THSD7B: variants seen among roughly 807,000 people sequenced by gnomAD.
THSD7B encodes thrombospondin type-1 domain-containing protein 7B.
A neutral mutation model predicts 213.6 loss-of-function variants in THSD7B; 138 were observed. That is an observed-to-expected ratio of 0.65 (90% CI 0.56 to 0.74). The LOEUF (loss-of-function observed/expected upper bound fraction) is 0.74. Ranked by LOEUF, THSD7B falls within the 30% of genes least tolerant of loss-of-function variation. The pLI is 0.00. For missense variants in THSD7B, 1,931 were observed against 1,991.5 expected (o/e 0.97, Z 0.58); for synonymous variants, 742 against 687.0 (o/e 1.08, Z -1.25).
At chr2:137,252,202 G>A (rs1682194684) in intron 10 of THSD7B, among the ~76,000 whole-genome samples, 1 of 146,998 alleles carries the variant, frequency 6.8e-6, no homozygotes, top group Admixed American at 6.9e-5. Flanking sequence ...GGGAGGCAGA[G>A]GTTGCAGTGA....
intron 12 of THSD7B, among the ~76,000 whole-genome samples, chr2:137,301,095 C>T (rs35159754): frequency 0.019 from 2,815 of 152,132 alleles, 37 homozygotes; most frequent in East Asian, 0.052. Context: ...AATATAAAAA[C>T]CTGCCTCCCA....
intron 12 of THSD7B, among the ~76,000 whole-genome samples, chr2:137,336,343 TTACTC>T (rs1186022484): frequency 6.6e-6 from 1 of 152,180 alleles, no homozygotes; most frequent in Non-Finnish European, 1.5e-5. Context: ...GCATCTGTCT[TTACTC>T]CACCTGAGCT....
chr2:136,888,181 A>C (rs1683751596), intron 2 of THSD7B, among the ~76,000 whole-genome samples: 1 of 152,118 alleles, frequency 6.6e-6, no homozygotes, highest in Non-Finnish European at 1.5e-5. Context: ...TAGGTCTAAA[A>C]CTTTATATAT....
rs1683886276 is a variant in THSD7B, at chr2:136,892,783, T to TA, written c.139+10467dup. Among the ~76,000 whole-genome samples, 13 of 152,218 alleles carry TA rather than the reference T, an allele frequency of 8.5e-5. No individual in the cohort carries two copies. The South Asian group carries it at 2.7e-3, about 32-fold the overall frequency. On this transcript the variant is annotated intron_variant, in intron 2 of 27. Transcript: ENST00000409968. Reference sequence around the variant, plus strand: ...TCAAGCCACAAGCCTTGCCCCTTCTTAGAGTGTCTAGGTCCCAAGCCTTCC... The same window carrying TA: ...TCAAGCCACAAGCCTTGCCCCTTCTTAAGAGTGTCTAGGTCCCAAGCCTTCC...
At chr2:137,082,847 A>G (rs966632917) in intron 3 of THSD7B, among the ~76,000 whole-genome samples, 2 of 152,090 alleles carry the variant, frequency 1.3e-5, no homozygotes, top group African/African-American at 2.4e-5. Flanking sequence ...TCTGTTGAAT[A>G]ATGTTTTCCA....
At chr2:137,533,001 T>G (rs1405769043) in intron 15 of THSD7B, among the ~76,000 whole-genome samples, 1 of 151,162 alleles carries the variant, frequency 6.6e-6, no homozygotes, top group Non-Finnish European at 1.5e-5. Context: ...TATCTATGTA[T>G]CTATGTAATA....
intron 1 of THSD7B, among the ~76,000 whole-genome samples, chr2:136,781,046 C>A (rs1017649950): frequency 6.6e-6 from 1 of 152,124 alleles, no homozygotes; most frequent in Admixed American, 6.5e-5. Context: ...TTCAAAATCA[C>A]AATATGATTT....
intron 20 of THSD7B, among the ~76,000 whole-genome samples, chr2:137,638,284 C>T (rs915533051): frequency 1.3e-5 from 2 of 152,216 alleles, no homozygotes; most frequent in South Asian, 2.1e-4. Context: ...TCATGGGTGC[C>T]GGTCTTTCCC....
At chr2:137,424,535 A>G (rs1016520172) in intron 14 of THSD7B, among the ~76,000 whole-genome samples, 4 of 152,192 alleles carry the variant, frequency 2.6e-5, no homozygotes, top group Non-Finnish European at 5.9e-5. Context: ...ATATACAAAG[A>G]TTAAGTGAGA....
chr2:136,897,574 G>A (rs531823147), intron 2 of THSD7B, among the ~76,000 whole-genome samples: 4 of 152,322 alleles, frequency 2.6e-5, no homozygotes, highest in Admixed American at 1.3e-4. Context: ...TTATTGTGAA[G>A]AGCGAAAGAA....
At position 137,656,803 on chromosome 2, in the gene THSD7B, C is replaced by A. The variant is rs367874065; in HGVS notation, c.4113C>A (p.Cys1371Ter). ...TACTGCATGACTGTCCAGGAGACTG[C>A]CATTTAACAGAATGGTCAGAGTGGA... Reference protein sequence around the residue: ...QLCSVPCPGDCHLTEWSEWST... With the variant: ...QLCSVPCPGD The change falls in exon 23 of 28, where the codon TGC becomes TGA. Residue 1371 changes from cysteine to a stop codon, truncating the protein, a stop_gained. Coordinates refer to ENST00000409968, the MANE Select transcript of THSD7B (RefSeq NM_001316349.2). LOFTEE classifies it high-confidence loss of function. 1 of 1,613,530 alleles carries A rather than the reference C, an allele frequency of 6.2e-7. No homozygotes were observed. Among genetic ancestry groups the A allele is most frequent in the Non-Finnish European group, 8.5e-7 (1 of 1,179,656 alleles).
At chr2:136,776,341 G>C (rs879912579) in intron 1 of THSD7B, among the ~76,000 whole-genome samples, 1 of 151,916 alleles carries the variant, frequency 6.6e-6, no homozygotes, top group African/African-American at 2.4e-5. Flanking sequence ...TTGAAGTCTG[G>C]GGTTAAGGAA....
chr2:137,340,839 A>G (rs1156483464), intron 12 of THSD7B, among the ~76,000 whole-genome samples: 1 of 151,728 alleles, frequency 6.6e-6, no homozygotes, highest in Admixed American at 6.6e-5. Flanking sequence ...GTGGACACTT[A>G]GGTTTACTTC....
chr2:137,279,634 C>T (rs1682953871), intron 12 of THSD7B, among the ~76,000 whole-genome samples: 1 of 151,970 alleles, frequency 6.6e-6, no homozygotes, highest in Non-Finnish European at 1.5e-5. Context: ...AAAGCTAGGT[C>T]CAGGAAGGAA....
At chr2:137,107,471 C>A (rs1414864237) in intron 4 of THSD7B, among the ~76,000 whole-genome samples, 2 of 152,172 alleles carry the variant, frequency 1.3e-5, no homozygotes, top group African/African-American at 2.4e-5. Flanking sequence ...ACCACCACGG[C>A]ACGTGTATCC....
intron 12 of THSD7B, among the ~76,000 whole-genome samples, chr2:137,317,420 G>C (rs913191224): frequency 2.0e-5 from 3 of 152,150 alleles, no homozygotes; most frequent in Admixed American, 6.5e-5. Flanking sequence ...TTGAAATATG[G>C]TAACTGGACT....
chr2:137,526,726 TTTAA>T, intron 15 of THSD7B, among the ~76,000 whole-genome samples: 1 of 152,258 alleles, frequency 6.6e-6, no homozygotes, highest in South Asian at 2.1e-4. Context: ...ACCCAGCCAG[TTTAA>T]TTAGTTTTTA....
intron 12 of THSD7B, among the ~76,000 whole-genome samples, chr2:137,382,333 C>A (rs1049178306): frequency 2.6e-5 from 4 of 152,206 alleles, no homozygotes; most frequent in Non-Finnish European, 5.9e-5. Flanking sequence ...GCTGAGACTG[C>A]CTTCCTGGCA....
chr2:137,483,768 G>GC (rs1025287909), intron 15 of THSD7B, among the ~76,000 whole-genome samples: 1 of 152,146 alleles, frequency 6.6e-6, no homozygotes, highest in Non-Finnish European at 1.5e-5. Context: ...AGACCCAGAA[G>GC]CCCCCGCTGG....
Sources: gnomAD v4.1 joint callset for allele counts (sites outside exome capture counted in the v4.1 genomes callset) on GRCh38, gnomAD v4.1.1 for gene constraint, MANE v1.5 for transcripts, NCBI Gene and HGNC (gene_info 2026-07-23, HGNC 2026-07-21) for gene names.